Variants in GLIS3 observed in about 807,000 individuals in gnomAD.
GLIS3 encodes zinc finger protein GLIS3.
A neutral mutation model predicts 78.6 loss-of-function variants in GLIS3; 53 were observed. The ratio of observed to expected loss-of-function variants is 0.67; its 90% CI spans 0.54 to 0.85. GLIS3 has a LOEUF of 0.85. Among genes scored for constraint, GLIS3 ranks in the 40% least tolerant of loss-of-function variants. GLIS3 has a pLI of 0.00. For synonymous variants in GLIS3, 684 were observed against 509.9 expected (o/e 1.34, Z -4.60); for missense variants, 1,703 against 1,231.1 (o/e 1.38, Z -5.74).
At chr9:4,410,003 C>G in the GLIS3 span, among the ~76,000 whole-genome samples, 744 of 152,218 alleles carry the variant, frequency 4.9e-3, 3 homozygotes, top group African/African-American at 0.016. Flanking sequence ...CAGGGCCTCA[C>G]TCTGTCACCC....
At position 4,238,783 on chromosome 9, in the gene GLIS3, C is replaced by G. The variant is rs115358305; in HGVS notation, c.388+47255G>C. ...TTGGCTTTAATTAAATCCTTCAGCA[C>G]TAATGTCCCAAAGCATTCCGTGAGT... On this transcript the variant is annotated intron_variant, in intron 2 of 10. Coordinates refer to ENST00000381971, the MANE Select transcript of GLIS3 (RefSeq NM_001042413.2). 5.4e-3 allele frequency among the ~76,000 whole-genome samples: 816 copies of G among 152,268 alleles called. 6 individuals are homozygous for G. Among genetic ancestry groups the G allele is most frequent in the African/African-American group, 0.019 (776 of 41,562 alleles).
intron 9 of GLIS3, among the ~76,000 whole-genome samples, chr9:3,847,631 T>C (rs1313814871): frequency 6.6e-6 from 1 of 152,270 alleles, no homozygotes; most frequent in Non-Finnish European, 1.5e-5. Flanking sequence ...GTCATTTCCA[T>C]AATCAATCAT....
intron 8 of GLIS3, among the ~76,000 whole-genome samples, chr9:3,867,658 C>G (rs1297097001): frequency 6.6e-6 from 1 of 152,108 alleles, no homozygotes; most frequent in Non-Finnish European, 1.5e-5. Context: ...AATTTTCTGC[C>G]TCTGTACTGC....
At chr9:4,391,914 G>A in the GLIS3 span, among the ~76,000 whole-genome samples, 1 of 152,106 alleles carries the variant, frequency 6.6e-6, no homozygotes. Flanking sequence ...ATACCCAAAG[G>A]AATATAAATC....
chr9:4,287,168 G>C (rs983870241), intron 1 of GLIS3, among the ~76,000 whole-genome samples: 3 of 152,188 alleles, frequency 2.0e-5, no homozygotes, highest in African/African-American at 7.2e-5. Context: ...GGGATGGGAA[G>C]AGAATCAACA....
At chr9:4,400,231 T>C in the GLIS3 span, among the ~76,000 whole-genome samples, 2 of 152,110 alleles carry the variant, frequency 1.3e-5, no homozygotes, top group African/African-American at 2.4e-5. Flanking sequence ...TGATGATGGA[T>C]TGAAGGGAGG....
At chr9:4,098,079 C>T (rs931609493) in intron 4 of GLIS3, among the ~76,000 whole-genome samples, 49 of 152,174 alleles carry the variant, frequency 3.2e-4, no homozygotes, top group African/African-American at 1.1e-3. Flanking sequence ...CAGCAGGACA[C>T]TGGATGATTA....
At chr9:3,910,656 A>G (rs1329545569) in intron 6 of GLIS3, among the ~76,000 whole-genome samples, 1 of 152,218 alleles carries the variant, frequency 6.6e-6, no homozygotes, top group East Asian at 1.9e-4. Context: ...TATACAGGTA[A>G]GAGGACACTT....
intron 2 of GLIS3, among the ~76,000 whole-genome samples, chr9:4,232,898 T>C (rs527701774): frequency 6.6e-6 from 1 of 152,308 alleles, no homozygotes; most frequent in South Asian, 2.1e-4. Flanking sequence ...GAGCAGACTG[T>C]TAATCTTATT....
In GLIS3 at chr9:4,214,583, G is replaced by A. The variant is rs142426504; in HGVS notation, c.388+71455C>T. 5.2e-3 allele frequency among the ~76,000 whole-genome samples: 785 copies of A among 152,264 alleles called. 13 individuals carry two copies. Among genetic ancestry groups the A allele is most frequent in the African/African-American group, 0.018 (744 of 41,550 alleles). On this transcript the variant is annotated intron_variant, in intron 2 of 10. Coordinates refer to ENST00000381971, the MANE Select transcript of GLIS3 (RefSeq NM_001042413.2). ...ACAACAGAAATCACACATAAAATAC[G>A]AAAGACAATGTGGGCGCAGTTTAGT...
the GLIS3 span, among the ~76,000 whole-genome samples, chr9:4,403,312 G>A: frequency 6.6e-6 from 1 of 152,126 alleles, no homozygotes; most frequent in South Asian, 2.1e-4. Context: ...AATGCTAAAG[G>A]GAGTTTTCAG....
intron 4 of GLIS3, among the ~76,000 whole-genome samples, chr9:3,962,948 G>GGC (rs1817672116): frequency 1.7e-5 from 1 of 57,760 alleles, no homozygotes; most frequent in African/African-American, 9.0e-5. Context: ...GTGATTTAAG[G>GGC]GGGGGGGGGG....
chr9:3,870,608 C>T (rs759619432), intron 8 of GLIS3, among the ~76,000 whole-genome samples: 22 of 152,268 alleles, frequency 1.4e-4, no homozygotes, highest in African/African-American at 3.1e-4. Context: ...ATGAGGAGGA[C>T]GCAAAAGCAG....
At chr9:4,349,246 T>G (rs1817931874), upstream of GLIS3, among the ~76,000 whole-genome samples, 1 of 152,250 alleles carries the variant, frequency 6.6e-6, no homozygotes, top group African/African-American at 2.4e-5. Flanking sequence ...GGCACTGGTA[T>G]GCACACTTGC....
chr9:4,189,543 T>C (rs1052483735), intron 2 of GLIS3, among the ~76,000 whole-genome samples: 1 of 152,174 alleles, frequency 6.6e-6, no homozygotes, highest in Non-Finnish European at 1.5e-5. Context: ...AATTCCTGGG[T>C]ATCGTTGTTA....
intron 2 of GLIS3, among the ~76,000 whole-genome samples, chr9:4,253,651 G>C (rs1824617310): frequency 6.6e-6 from 1 of 152,232 alleles, no homozygotes; most frequent in East Asian, 1.9e-4. Flanking sequence ...GTGCCACTGA[G>C]GTATGAAAAA....
At chr9:4,219,946 C>T (rs1005545881) in intron 2 of GLIS3, among the ~76,000 whole-genome samples, 14 of 152,100 alleles carry the variant, frequency 9.2e-5, no homozygotes, top group South Asian at 2.1e-4. Context: ...AAAGTAACCA[C>T]AGCTCTCTGT....
At chr9:4,334,213 G>C (rs1817722373) in intron 2 of GLIS3, among the ~76,000 whole-genome samples, 1 of 152,224 alleles carries the variant, frequency 6.6e-6, no homozygotes, top group African/African-American at 2.4e-5. Context: ...GACAGTGAAA[G>C]ACCATCTGAT....
chr9:4,214,981 G>A (rs1022732908), intron 2 of GLIS3, among the ~76,000 whole-genome samples: 1 of 152,148 alleles, frequency 6.6e-6, no homozygotes, highest in African/African-American at 2.4e-5. Context: ...AGTGAGAGAG[G>A]GTGAGACAGC....
Sources: gnomAD v4.1 joint callset for allele counts (sites outside exome capture counted in the v4.1 genomes callset) on GRCh38, gnomAD v4.1.1 for gene constraint, MANE v1.5 for transcripts, NCBI Gene and HGNC (gene_info 2026-07-23, HGNC 2026-07-21) for gene names.